Variants in INPP4B observed in about 807,000 individuals in gnomAD.
INPP4B encodes the protein inositol polyphosphate-4-phosphatase type II B.
INPP4B carries 55 observed loss-of-function variants against 122.5 expected under a neutral mutation model. The ratio of observed to expected loss-of-function variants is 0.45; its 90% CI spans 0.36 to 0.56. The LOEUF (loss-of-function observed/expected upper bound fraction) is 0.56, where lower values mean the gene tolerates loss of function less well. Ranked by LOEUF, INPP4B falls within the 20% of genes least tolerant of loss-of-function variation. The pLI, the probability that INPP4B is intolerant of heterozygous loss-of-function variation, is 0.00. For synonymous variants in INPP4B, 403 were observed against 388.7 expected (o/e 1.04, Z -0.43); for missense variants, 1,000 against 1,097.7 (o/e 0.91, Z 1.26).
intron 2 of INPP4B, among the ~76,000 whole-genome samples, chr4:142,557,726 T>C (rs192756786): frequency 6.6e-6 from 1 of 152,304 alleles, no homozygotes; most frequent in African/African-American, 2.4e-5. Context: ...ATACCAGTGA[T>C]GAAATATAAG....
intron 3 of INPP4B, among the ~76,000 whole-genome samples, chr4:142,455,868 C>A (rs547288457): frequency 6.6e-6 from 1 of 152,106 alleles, no homozygotes; most frequent in South Asian, 2.1e-4. Context: ...AATGATATAT[C>A]ATTGCAGTTT....
chr4:142,310,125 GTT>G (rs575225082), intron 8 of INPP4B, among the ~76,000 whole-genome samples: 4 of 144,520 alleles, frequency 2.8e-5, no homozygotes, highest in African/African-American at 1.0e-4. Context: ...CAAAGCACAG[GTT>G]TTTTTTTTTT....
chr4:142,298,807 C>T (rs188723679), intron 9 of INPP4B, among the ~76,000 whole-genome samples: 48 of 152,062 alleles, frequency 3.2e-4, no homozygotes, highest in African/African-American at 1.0e-3. Flanking sequence ...CATTCCTTCT[C>T]AGCTGTGCAA....
chr4:142,152,640 C>T (rs186313585), intron 17 of INPP4B, among the ~76,000 whole-genome samples: 2 of 152,160 alleles, frequency 1.3e-5, no homozygotes, highest in South Asian at 2.1e-4. Flanking sequence ...GTTGCCCAGA[C>T]CAGAGTGCAG....
chr4:142,749,603 A>G (rs546705074), intron 1 of INPP4B, among the ~76,000 whole-genome samples: 16 of 151,962 alleles, frequency 1.1e-4, no homozygotes, highest in Non-Finnish European at 1.8e-4. Flanking sequence ...ACCTTAAAAT[A>G]TAACAGTGAA....
chr4:142,194,634 C>T (rs1837398560), intron 14 of INPP4B, among the ~76,000 whole-genome samples: 1 of 152,142 alleles, frequency 6.6e-6, no homozygotes, highest in Admixed American at 6.6e-5. Context: ...AAGTTAACTG[C>T]TTTGTCTAAA....
At chr4:142,107,820 G>A (rs1787915324) in intron 23 of INPP4B, among the ~76,000 whole-genome samples, 1 of 151,962 alleles carries the variant, frequency 6.6e-6, no homozygotes, top group African/African-American at 2.4e-5. Context: ...CTAATTATAA[G>A]GTCCATATTT....
intron 11 of INPP4B, among the ~76,000 whole-genome samples, 161 bp downstream of exon 11, chr4:142,260,331 G>A (rs2636642): frequency 0.77 from 116,588 of 152,020 alleles, 45,794 homozygotes; most frequent in East Asian, 0.93. Context: ...CTTTCCTGTG[G>A]AATTGTACAA....
At chr4:142,267,680 C>A (rs1362711812) in intron 10 of INPP4B, among the ~76,000 whole-genome samples, 3 of 152,058 alleles carry the variant, frequency 2.0e-5, no homozygotes, top group Non-Finnish European at 4.4e-5. Context: ...TGTAATATGA[C>A]CCCAAAAGCA....
chr4:142,223,498 T>A (rs1372204445), intron 12 of INPP4B, among the ~76,000 whole-genome samples: 4 of 152,116 alleles, frequency 2.6e-5, no homozygotes, highest in African/African-American at 9.7e-5. Context: ...TTGAAAAAAA[T>A]GTGCTTCTAA....
chr4:142,549,395 GAGA>G (rs1727430881), intron 2 of INPP4B, among the ~76,000 whole-genome samples: 1 of 152,078 alleles, frequency 6.6e-6, no homozygotes, highest in Admixed American at 6.6e-5. Flanking sequence ...AGCATGTCCA[GAGA>G]AGATTTAGGA....
chr4:142,486,253 C>A (rs1389952057), intron 2 of INPP4B, among the ~76,000 whole-genome samples: 3 of 152,138 alleles, frequency 2.0e-5, no homozygotes, highest in Non-Finnish European at 2.9e-5. Context: ...CTCCCACTAG[C>A]AAAGTATAAG....
chr4:142,194,578 T>TG (rs1354811975), intron 14 of INPP4B, among the ~76,000 whole-genome samples: 3 of 152,186 alleles, frequency 2.0e-5, no homozygotes, highest in Non-Finnish European at 4.4e-5. Context: ...CACTACAAGC[T>TG]AACTGCTTTG....
At chr4:142,692,621 A>G (rs559042521) in intron 2 of INPP4B, among the ~76,000 whole-genome samples, 1 of 152,304 alleles carries the variant, frequency 6.6e-6, no homozygotes, top group African/African-American at 2.4e-5. Context: ...CTGACCTAAA[A>G]CAAAGTTAAA....
chr4:142,061,885 CATATAT>C (rs66485353), intron 25 of INPP4B, among the ~76,000 whole-genome samples: 10 of 139,270 alleles, frequency 7.2e-5, no homozygotes, highest in African/African-American at 2.1e-4. Flanking sequence ...CACACACACA[CATATAT>C]ATATATATAT....
chr4:142,531,292 G>A (rs963752517), intron 2 of INPP4B, among the ~76,000 whole-genome samples: 4 of 151,584 alleles, frequency 2.6e-5, no homozygotes, highest in African/African-American at 9.7e-5. Flanking sequence ...AAGGAAGAAA[G>A]AAAGGAAAGA....
intron 2 of INPP4B, among the ~76,000 whole-genome samples, chr4:142,557,010 C>T (rs867885587): frequency 1.3e-5 from 2 of 152,116 alleles, no homozygotes; most frequent in African/African-American, 4.8e-5. Flanking sequence ...TCGTGACCAC[C>T]GGAGGACCAG....
chr4:142,589,332 A>T (rs540021022), intron 2 of INPP4B, among the ~76,000 whole-genome samples: 1 of 152,208 alleles, frequency 6.6e-6, no homozygotes, highest in South Asian at 2.1e-4. Context: ...CCTCTGCAAA[A>T]GACACTATTA....
chr4:142,229,051 G>T (rs1044037718), intron 12 of INPP4B, among the ~76,000 whole-genome samples: 3 of 151,666 alleles, frequency 2.0e-5, no homozygotes, highest in Non-Finnish European at 4.4e-5. Context: ...TACACACTTT[G>T]TCTCAGTAAT....
Sources: gnomAD v4.1 joint callset for allele counts (sites outside exome capture counted in the v4.1 genomes callset) on GRCh38, gnomAD v4.1.1 for gene constraint, MANE v1.5 for transcripts, NCBI Gene and HGNC (gene_info 2026-07-23, HGNC 2026-07-21) for gene names.